TNR: variants seen among roughly 807,000 people sequenced by gnomAD.
TNR encodes tenascin R, also known as tenascin-R.
Under a neutral mutation model 150.4 loss-of-function variants are expected in TNR, and 45 were observed. That is an observed-to-expected ratio of 0.30 (90% CI 0.24 to 0.38). The LOEUF (loss-of-function observed/expected upper bound fraction) is 0.38, where lower values mean the gene tolerates loss of function less well. Among genes scored for constraint, TNR ranks in the 10% least tolerant of loss-of-function variants. TNR has a pLI of 1.00. For missense variants in TNR, 1,544 were observed against 1,759.1 expected (o/e 0.88, Z 2.19); for synonymous variants, 687 against 678.4 (o/e 1.01, Z -0.20).
At chr1:175,623,420 T>C (rs549830624) in intron 1 of TNR, among the ~76,000 whole-genome samples, 1 of 152,224 alleles carries the variant, frequency 6.6e-6, no homozygotes, top group African/African-American at 2.4e-5. Flanking sequence ...ATGCTGTGAA[T>C]CAGCCCTCTT....
intron 1 of TNR, among the ~76,000 whole-genome samples, chr1:175,670,116 A>G (rs548909113): frequency 1.3e-5 from 2 of 152,322 alleles, no homozygotes; most frequent in South Asian, 4.2e-4. Flanking sequence ...GAGTTTCCGG[A>G]GTATTGGAAA....
intron 1 of TNR, among the ~76,000 whole-genome samples, chr1:175,620,983 C>T (rs1338456416): frequency 1.3e-5 from 2 of 152,208 alleles, no homozygotes; most frequent in African/African-American, 4.8e-5. Context: ...CTCTGAATGC[C>T]TCCATTGCCA....
chr1:175,709,775 T>A (rs1183606962), intron 1 of TNR, among the ~76,000 whole-genome samples: 1 of 151,984 alleles, frequency 6.6e-6, no homozygotes, highest in Non-Finnish European at 1.5e-5. Flanking sequence ...CAGCATTTGA[T>A]CCTACTGAGC....
intron 1 of TNR, among the ~76,000 whole-genome samples, chr1:175,703,878 C>G (rs1420720347): frequency 6.6e-6 from 1 of 152,200 alleles, no homozygotes; most frequent in Non-Finnish European, 1.5e-5. Context: ...CTGGCTACCA[C>G]TTGCCAATGT....
At chr1:175,427,723 CTCTT>C (rs1255942149) in intron 2 of TNR, among the ~76,000 whole-genome samples, 1 of 101,356 alleles carries the variant, frequency 9.9e-6, no homozygotes, top group East Asian at 3.5e-4. Context: ...CCCTCCTTCT[CTCTT>C]TCTTTTCCTT....
intron 15 of TNR, among the ~76,000 whole-genome samples, chr1:175,356,958 A>C (rs1651361611): frequency 6.6e-6 from 1 of 152,224 alleles, no homozygotes; most frequent in Non-Finnish European, 1.5e-5. Context: ...TGACCAATGA[A>C]ATAAACAGGG....
intron 2 of TNR, among the ~76,000 whole-genome samples, chr1:175,453,432 A>C (rs1656413908): frequency 6.6e-6 from 1 of 152,174 alleles, no homozygotes; most frequent in Non-Finnish European, 1.5e-5. Context: ...TAGATCACAA[A>C]GATGAGCCCG....
intron 4 of TNR, among the ~76,000 whole-genome samples, chr1:175,398,630 T>C (rs779589318): frequency 2.0e-5 from 3 of 152,196 alleles, no homozygotes; most frequent in Non-Finnish European, 2.9e-5. Context: ...ATTATTTCAA[T>C]TCACCCTCTC....
At chr1:175,348,975 A>G (rs893772759) in intron 18 of TNR, among the ~76,000 whole-genome samples, 1 of 151,984 alleles carries the variant, frequency 6.6e-6, no homozygotes, top group Non-Finnish European at 1.5e-5. Flanking sequence ...AAGGACTAAA[A>G]AACATATGAA....
At chr1:175,615,476 C>G (rs2101859231) in intron 1 of TNR, among the ~76,000 whole-genome samples, 1 of 152,332 alleles carries the variant, frequency 6.6e-6, no homozygotes, top group South Asian at 2.1e-4. Context: ...CGTCCTGCCC[C>G]TTACACAGGC....
chr1:175,547,887 C>G (rs1170139018), intron 1 of TNR, among the ~76,000 whole-genome samples: 1 of 152,140 alleles, frequency 6.6e-6, no homozygotes, highest in African/African-American at 2.4e-5. Flanking sequence ...ATGCAATGCT[C>G]AGAAATTTGG....
At chr1:175,464,269 A>G (rs1011118427) in intron 2 of TNR, among the ~76,000 whole-genome samples, 7 of 152,238 alleles carry the variant, frequency 4.6e-5, no homozygotes, top group African/African-American at 1.7e-4. Flanking sequence ...GGTTAAATAG[A>G]CATGGGTTAA....
chr1:175,456,695 C>G (rs2102099862), intron 2 of TNR, among the ~76,000 whole-genome samples: 1 of 152,140 alleles, frequency 6.6e-6, no homozygotes, highest in African/African-American at 2.4e-5. Context: ...AATGTATGGC[C>G]CATGTTCAGC....
intron 9 of TNR, among the ~76,000 whole-genome samples, chr1:175,369,007 T>C (rs1571347272): frequency 6.6e-6 from 1 of 151,914 alleles, no homozygotes; most frequent in African/African-American, 2.4e-5. Context: ...CCCAACAAAA[T>C]CAAGTGATCA....
intron 3 of TNR, among the ~76,000 whole-genome samples, chr1:175,405,316 C>T (rs540097281): frequency 3.0e-4 from 46 of 152,300 alleles, no homozygotes; most frequent in African/African-American, 1.1e-3. Context: ...CTTCTTGTTG[C>T]TCTAGTCTAG....
At chr1:175,598,025 C>G (rs7519091) in intron 1 of TNR, among the ~76,000 whole-genome samples, 47,171 of 151,986 alleles carry the variant, frequency 0.31, 10,085 homozygotes, top group African/African-American at 0.61. Flanking sequence ...CTGGACCTCA[C>G]CTTTATCATC....
intron 1 of TNR, among the ~76,000 whole-genome samples, chr1:175,541,804 G>T (rs1237077736): frequency 6.6e-6 from 1 of 152,124 alleles, no homozygotes; most frequent in Admixed American, 6.5e-5. Flanking sequence ...TATGAAACTG[G>T]TAAAGTCTCT....
At chr1:175,464,807 T>A (rs1419428062) in intron 2 of TNR, among the ~76,000 whole-genome samples, 1 of 152,146 alleles carries the variant, frequency 6.6e-6, no homozygotes, top group Non-Finnish European at 1.5e-5. Context: ...ATTGACAATA[T>A]TTATTTATTT....
At chr1:175,582,148 G>A (rs563207604) in intron 1 of TNR, among the ~76,000 whole-genome samples, 9 of 152,278 alleles carry the variant, frequency 5.9e-5, no homozygotes, top group African/African-American at 2.2e-4. Flanking sequence ...TATAGGTAAT[G>A]CCTTTTTACC....
Sources: gnomAD v4.1 joint callset for allele counts (sites outside exome capture counted in the v4.1 genomes callset) on GRCh38, gnomAD v4.1.1 for gene constraint, MANE v1.5 for transcripts, NCBI Gene and HGNC (gene_info 2026-07-23, HGNC 2026-07-21) for gene names.